The following SUSD4 variants were observed in gnomAD, a reference collection of about 807,000 sequenced individuals.
The protein encoded by SUSD4 is sushi domain containing 4.
In SUSD4, 41 loss-of-function variants were observed where a neutral mutation model predicts 50.5. The ratio of observed to expected loss-of-function variants is 0.81; its 90% CI spans 0.63 to 1.05. The LOEUF (loss-of-function observed/expected upper bound fraction) is 1.05, where lower values mean the gene tolerates loss of function less well. SUSD4 is among the 50% of genes least tolerant of loss of function. SUSD4 has a pLI of 0.00. For synonymous variants in SUSD4, 257 were observed against 257.3 expected, an observed-to-expected ratio of 1.00 and a Z score of 0.01; for missense variants, 580 against 634.7, an observed-to-expected ratio of 0.91 and a Z score of 0.93.
chr1:223,248,654 CT>C (rs5781304), intron 5 of SUSD4, among the ~76,000 whole-genome samples: 26,849 of 152,150 alleles, frequency 0.18, 2,577 homozygotes, highest in East Asian at 0.28. Context: ...GAGGCTGGGG[CT>C]TTGCTTGTTT....
intron 3 of SUSD4, among the ~76,000 whole-genome samples, chr1:223,291,918 A>G (rs1664516680): frequency 6.6e-6 from 1 of 152,234 alleles, no homozygotes; most frequent in African/African-American, 2.4e-5. Context: ...CTACCAATAC[A>G]TTTAGGGATA....
At chr1:223,238,639 T>C (rs904814688) in intron 5 of SUSD4, among the ~76,000 whole-genome samples, 4 of 151,986 alleles carry the variant, frequency 2.6e-5, no homozygotes, top group Admixed American at 2.0e-4. Context: ...ATTTTGAGAT[T>C]TTCCTATTAT....
At chr1:223,284,520 T>C (rs1455564832) in intron 3 of SUSD4, among the ~76,000 whole-genome samples, 1 of 152,220 alleles carries the variant, frequency 6.6e-6, no homozygotes, top group Non-Finnish European at 1.5e-5. Context: ...GTAGGGTTGC[T>C]GTAGTAATTA....
intron 3 of SUSD4, among the ~76,000 whole-genome samples, chr1:223,271,342 T>G (rs557788410): frequency 6.6e-6 from 1 of 152,306 alleles, no homozygotes; most frequent in East Asian, 1.9e-4. Context: ...TGTTGTGTAA[T>G]GTAGAACGCT....
chr1:223,335,514 T>C (rs1183861717), intron 2 of SUSD4, among the ~76,000 whole-genome samples: 2 of 152,156 alleles, frequency 1.3e-5, no homozygotes, highest in Non-Finnish European at 2.9e-5. Flanking sequence ...GACCCATCCA[T>C]GAACACAGGG....
At chr1:223,358,250 G>A (rs1668776804) in intron 2 of SUSD4, among the ~76,000 whole-genome samples, 1 of 133,810 alleles carries the variant, frequency 7.5e-6, no homozygotes, top group Admixed American at 8.0e-5. Context: ...GGAAAAAGAT[G>A]GATGGATGGA....
At chr1:223,278,811 C>A (rs1211672898) in intron 3 of SUSD4, among the ~76,000 whole-genome samples, 2 of 152,136 alleles carry the variant, frequency 1.3e-5, no homozygotes, top group South Asian at 2.1e-4. Flanking sequence ...CTGGGAGGCA[C>A]CCCCCGAGTA....
chr1:223,265,777 T>G (rs1358578590), intron 4 of SUSD4, among the ~76,000 whole-genome samples: 1 of 152,236 alleles, frequency 6.6e-6, no homozygotes, highest in Non-Finnish European at 1.5e-5. Flanking sequence ...CATTTCTTAT[T>G]GCTTCAGCAG....
At position 223,223,562 on chromosome 1, in the gene SUSD4, C is replaced by T. The variant is rs369508445; in HGVS notation, c.1131G>A (p.Pro377=). Residue 377 remains proline, a synonymous_variant, in exon 8 of 9, where the codon CCG becomes CCA. Transcript: ENST00000366878. The part of the protein sequence containing the change: ...VVVDGVPVML[P]SYDEAVSGGL... ...CGCCACTCACAGCTTCGTCATAGGACGGGAGCATGACGGGCACGCCGTCTA... is the reference window on the plus strand; with the variant it reads ...CGCCACTCACAGCTTCGTCATAGGATGGGAGCATGACGGGCACGCCGTCTA... 2.4e-5 allele frequency: 38 copies of T among 1,613,434 alleles called. No homozygotes were observed. The highest frequency in any genetic ancestry group is 2.2e-5 in the South Asian group (2 of 91,010).
chr1:223,268,537 T>C lies in SUSD4; in HGVS notation c.500A>G (p.Asp167Gly), dbSNP rs1264940080. 1 of 1,614,066 alleles carries C rather than the reference T, an allele frequency of 6.2e-7. No individual in the cohort carries two copies. The highest frequency in any genetic ancestry group is 8.5e-7 in the Non-Finnish European group (1 of 1,179,984). ...DLHNMVSLCR[D>G]DGTWNNLPIC... is the part of the protein sequence containing the mutation. The stretch of plus-strand genomic sequence containing the variant: ...GGGCAGATTATTCCACGTTCCATCA[T>C]CGCGACATAATGAAACCATATTGTG... The change falls in exon 4 of 9, where the codon GAT becomes GGT. Residue 167 changes from aspartate to glycine, a missense_variant. Asp to Gly is a moderately conservative substitution (Grantham distance 94, BLOSUM62 -1). Coordinates refer to ENST00000366878, the MANE Select transcript of SUSD4 (RefSeq NM_017982.4).
intron 7 of SUSD4, among the ~76,000 whole-genome samples, chr1:223,225,806 C>A (rs1001434567): frequency 6.6e-6 from 1 of 152,116 alleles, no homozygotes; most frequent in Non-Finnish European, 1.5e-5. Context: ...CTCCACGTGT[C>A]CCCGCCATGC....
At chr1:223,338,342 C>G (rs1015415676) in intron 2 of SUSD4, among the ~76,000 whole-genome samples, 1 of 152,106 alleles carries the variant, frequency 6.6e-6, no homozygotes, top group Non-Finnish European at 1.5e-5. Context: ...TGCACAAGTA[C>G]CCAGGGAACC....
chr1:223,305,572 G>C (rs955038485), intron 2 of SUSD4, among the ~76,000 whole-genome samples: 1 of 152,194 alleles, frequency 6.6e-6, no homozygotes, highest in Non-Finnish European at 1.5e-5. Context: ...ATATATTTAA[G>C]AGGTGGGAGG....
chr1:223,261,453 A>G (rs541977374), intron 5 of SUSD4, among the ~76,000 whole-genome samples: 1 of 152,290 alleles, frequency 6.6e-6, no homozygotes, highest in Admixed American at 6.5e-5. Flanking sequence ...CTGAACCTTT[A>G]GAAGGCTGGG....
Position 223,231,155 on chromosome 1 carries a change from C to A in SUSD4, c.725-1767G>T, listed in dbSNP as rs1316315793. On this transcript the variant is annotated intron_variant, in intron 5 of 8. Transcript: ENST00000366878. The surrounding 1 kb of genome is among the most constrained non-coding windows in gnomAD (Gnocchi z 4.2). ...GAACTGGAGCCCGGGGAAACTCAGA[C>A]CCCGCTGGAGATGTCCCCAGGGCAG... is the stretch of plus-strand genomic sequence containing the variant. Among the ~76,000 whole-genome samples, 2 of 152,068 alleles carry A rather than the reference C, an allele frequency of 1.3e-5. No individual in the cohort carries two copies. Among genetic ancestry groups the A allele is most frequent in the East Asian group, 1.9e-4 (1 of 5,190 alleles).
At chr1:223,261,310 C>T (rs559328770) in intron 5 of SUSD4, among the ~76,000 whole-genome samples, 1 of 152,234 alleles carries the variant, frequency 6.6e-6, no homozygotes, top group Admixed American at 6.5e-5. Context: ...ATTGCTTTCC[C>T]CCTGTTAGAT....
chr1:223,283,457 G>T (rs1300717057), intron 3 of SUSD4, among the ~76,000 whole-genome samples: 1 of 152,194 alleles, frequency 6.6e-6, no homozygotes, highest in South Asian at 2.1e-4. Flanking sequence ...AGACATTTAT[G>T]CAGCCAACAG....
intron 2 of SUSD4, among the ~76,000 whole-genome samples, chr1:223,355,247 T>C (rs1668596177): frequency 6.6e-6 from 1 of 152,142 alleles, no homozygotes; most frequent in Admixed American, 6.5e-5. Context: ...CTAATTTTTG[T>C]ATTTTTAGTA....
chr1:223,279,296 C>T (rs1663516345), intron 3 of SUSD4, among the ~76,000 whole-genome samples: 1 of 152,086 alleles, frequency 6.6e-6, no homozygotes, highest in African/African-American at 2.4e-5. Context: ...GAAGTTCAAA[C>T]CCAATGCAAA....
Sources: allele counts gnomAD v4.1 joint callset (sites outside exome capture counted in the v4.1 genomes callset), GRCh38; gene constraint gnomAD v4.1.1; non-coding constraint Gnocchi (gnomAD v3.1); transcripts MANE v1.5; gene names NCBI Gene and HGNC (gene_info 2026-07-23, HGNC 2026-07-21).